Variants in SEMA5A observed in about 807,000 individuals in gnomAD.
SEMA5A encodes the protein semaphorin-5A.
In SEMA5A, 55 loss-of-function variants were observed where a neutral mutation model predicts 135.5. The observed-to-expected ratio is 0.41, with a 90% confidence interval of 0.33 to 0.51. SEMA5A has a LOEUF of 0.51. SEMA5A is among the 20% of genes least tolerant of loss of function. The probability of loss-of-function intolerance (pLI) is 0.37; values close to 1 mark genes in which losing one functional copy is unlikely to be tolerated. For missense variants in SEMA5A, 1,290 were observed against 1,419.9 expected (o/e 0.91, Z 1.47); for synonymous variants, 580 against 546.5 (o/e 1.06, Z -0.85).
intron 3 of SEMA5A, among the ~76,000 whole-genome samples, chr5:9,377,469 T>G (rs1291389810): frequency 6.6e-6 from 1 of 152,090 alleles, no homozygotes; most frequent in Non-Finnish European, 1.5e-5. Context: ...AAGAAATTAT[T>G]TCTACTGGTT....
At chr5:9,361,589 C>T (rs1318961904) in intron 3 of SEMA5A, among the ~76,000 whole-genome samples, 1 of 152,140 alleles carries the variant, frequency 6.6e-6, no homozygotes, top group Non-Finnish European at 1.5e-5. Context: ...TAAGAGATTT[C>T]CTCAGCATTT....
chr5:9,137,356 C>A (rs1014866031), intron 12 of SEMA5A, among the ~76,000 whole-genome samples: 1 of 152,028 alleles, frequency 6.6e-6, no homozygotes, highest in Non-Finnish European at 1.5e-5. Context: ...TTTTAGATGG[C>A]GGATATTTTC....
At position 9,371,828 on chromosome 5, in the gene SEMA5A, A is replaced by G. The variant is rs921876830; in HGVS notation, c.124+7995T>C. On this transcript the variant is annotated intron_variant, in intron 3 of 22. Transcript: ENST00000382496. ...GTCATATCCTATTCTGAAACAAGTG[A>G]AGATCACACTTGGTTTATGTAAATT... Among the ~76,000 whole-genome samples the G allele has an allele frequency of 3.3e-5, 5 of 152,342 alleles. No homozygotes were observed. In the East Asian group the frequency reaches 9.6e-4, roughly 29 times the overall value.
intron 1 of SEMA5A, among the ~76,000 whole-genome samples, chr5:9,442,715 AT>A (rs1758285146): frequency 6.6e-6 from 1 of 152,246 alleles, no homozygotes; most frequent in Non-Finnish European, 1.5e-5. Flanking sequence ...TATATTCCAC[AT>A]TCCCAGAAAT....
At chr5:9,192,334 C>T (rs181168206) in intron 10 of SEMA5A, among the ~76,000 whole-genome samples, 2 of 152,334 alleles carry the variant, frequency 1.3e-5, no homozygotes, top group Admixed American at 6.5e-5. Flanking sequence ...TACTGTGAGA[C>T]CAGCTGAGAT....
At chr5:9,101,553 G>T (rs1417206134) in intron 16 of SEMA5A, among the ~76,000 whole-genome samples, 2 of 152,166 alleles carry the variant, frequency 1.3e-5, no homozygotes, top group African/African-American at 2.4e-5. Flanking sequence ...TATGTTTTCA[G>T]TGGAGTTAGA....
chr5:9,148,634 A>G (rs1742467242), intron 12 of SEMA5A, among the ~76,000 whole-genome samples: 1 of 152,280 alleles, frequency 6.6e-6, no homozygotes, highest in South Asian at 2.1e-4. Flanking sequence ...TTTAGGCTCT[A>G]AAACTGCCAG....
intron 1 of SEMA5A, among the ~76,000 whole-genome samples, chr5:9,515,869 G>C (rs150895856): frequency 6.4e-4 from 97 of 152,310 alleles, no homozygotes; most frequent in African/African-American, 2.2e-3. Context: ...AGTCAAGGTG[G>C]AGACCCATAG....
intron 1 of SEMA5A, among the ~76,000 whole-genome samples, chr5:9,449,653 C>T (rs1485777997): frequency 6.6e-6 from 1 of 151,700 alleles, no homozygotes; most frequent in Non-Finnish European, 1.5e-5. Flanking sequence ...TAAATATTAA[C>T]AGGGGCATAT....
intron 15 of SEMA5A, among the ~76,000 whole-genome samples, chr5:9,116,629 T>A (rs891047095): frequency 6.6e-6 from 1 of 152,206 alleles, no homozygotes; most frequent in Non-Finnish European, 1.5e-5. Flanking sequence ...ACTTAGGGAA[T>A]CTTTTGGGAA....
At chr5:9,424,800 A>G (rs1005105841) in intron 2 of SEMA5A, among the ~76,000 whole-genome samples, 2 of 151,956 alleles carry the variant, frequency 1.3e-5, no homozygotes, top group Admixed American at 1.3e-4. Context: ...CTACCTCTAA[A>G]TATGTCAAGC....
chr5:9,303,893 C>G (rs1185106485), intron 5 of SEMA5A, among the ~76,000 whole-genome samples: 1 of 152,080 alleles, frequency 6.6e-6, no homozygotes, highest in Non-Finnish European at 1.5e-5. Context: ...GCATTACCCT[C>G]AAAGACATAC....
intron 5 of SEMA5A, among the ~76,000 whole-genome samples, chr5:9,311,046 GCTT>G (rs1476580161): frequency 6.6e-6 from 1 of 151,808 alleles, no homozygotes; most frequent in Non-Finnish European, 1.5e-5. Flanking sequence ...TTAGAAAATG[GCTT>G]CTTTAAAACA....
At chr5:9,099,962 A>AT (rs1457650502) in intron 16 of SEMA5A, among the ~76,000 whole-genome samples, 1 of 152,196 alleles carries the variant, frequency 6.6e-6, no homozygotes, top group East Asian at 1.9e-4. Flanking sequence ...ATCTCTCTCT[A>AT]TGGAGAAGAG....
intron 1 of SEMA5A, among the ~76,000 whole-genome samples, chr5:9,514,141 C>A (rs779743043): frequency 2.3e-4 from 35 of 152,304 alleles, no homozygotes; most frequent in African/African-American, 7.7e-4. Context: ...AAGGGAGGAG[C>A]AGGGCATCTC....
chr5:9,400,977 A>G (rs1756635111), intron 2 of SEMA5A, among the ~76,000 whole-genome samples: 1 of 152,292 alleles, frequency 6.6e-6, no homozygotes, highest in Middle Eastern at 3.4e-3. Context: ...GGTGGAGACC[A>G]GTGTCTGACC....
At chr5:9,307,229 A>G (rs1679465253) in intron 5 of SEMA5A, among the ~76,000 whole-genome samples, 1 of 152,242 alleles carries the variant, frequency 6.6e-6, no homozygotes, top group African/African-American at 2.4e-5. Context: ...AATTGATACA[A>G]GCAGATTAAA....
intron 8 of SEMA5A, among the ~76,000 whole-genome samples, chr5:9,206,170 G>A (rs1165622845): frequency 6.6e-6 from 1 of 152,134 alleles, no homozygotes; most frequent in African/African-American, 2.4e-5. Flanking sequence ...TGTCTACAAT[G>A]GATAGGAGTG....
chr5:9,192,802 G>A (rs1361350985), intron 10 of SEMA5A, among the ~76,000 whole-genome samples: 2 of 152,196 alleles, frequency 1.3e-5, no homozygotes, highest in Non-Finnish European at 2.9e-5. Flanking sequence ...CCAAGTCACG[G>A]CGGCAGTTAG....
Sources: gnomAD v4.1 joint callset for allele counts (sites outside exome capture counted in the v4.1 genomes callset) on GRCh38, gnomAD v4.1.1 for gene constraint, MANE v1.5 for transcripts, NCBI Gene and HGNC (gene_info 2026-07-23, HGNC 2026-07-21) for gene names.